The following PLA2G4A variants were observed in gnomAD, a reference collection of about 807,000 sequenced individuals.
PLA2G4A encodes the protein cytosolic phospholipase A2.
A neutral mutation model predicts 81.9 loss-of-function variants in PLA2G4A; 40 were observed. The ratio of observed to expected loss-of-function variants is 0.49; its 90% CI spans 0.38 to 0.64. The LOEUF (loss-of-function observed/expected upper bound fraction) is 0.64. Among genes scored for constraint, PLA2G4A ranks in the 30% least tolerant of loss-of-function variants. The pLI is 0.00. For missense variants in PLA2G4A, 715 were observed against 905.1 expected (o/e 0.79, Z 2.69); for synonymous variants, 302 against 296.9 (o/e 1.02, Z -0.18).
intron 2 of PLA2G4A, among the ~76,000 whole-genome samples, chr1:186,857,353 A>G (rs1439572489): frequency 4.0e-5 from 5 of 123,918 alleles, no homozygotes; most frequent in Non-Finnish European, 8.0e-5. Flanking sequence ...TATATTATAA[A>G]TATAATATTA....
chr1:186,858,051 GT>G (rs1652654909), intron 2 of PLA2G4A, among the ~76,000 whole-genome samples: 1 of 152,094 alleles, frequency 6.6e-6, no homozygotes, highest in African/African-American at 2.4e-5. Flanking sequence ...ATTGTGAATA[GT>G]GCCACAATAA....
chr1:186,976,756 A>T (rs1401113177), intron 15 of PLA2G4A, among the ~76,000 whole-genome samples: 1 of 152,180 alleles, frequency 6.6e-6, no homozygotes, highest in African/African-American at 2.4e-5. Context: ...TCCAGTTTAA[A>T]TTTAATTTTG....
At chr1:186,879,120 T>C (rs1188125176) in intron 3 of PLA2G4A, among the ~76,000 whole-genome samples, 1 of 151,914 alleles carries the variant, frequency 6.6e-6, no homozygotes, top group Non-Finnish European at 1.5e-5. Flanking sequence ...TCTCTGTAAA[T>C]TTTACTGGCT....
chr1:186,869,705 C>A (rs1033268210), intron 2 of PLA2G4A, among the ~76,000 whole-genome samples: 1 of 152,142 alleles, frequency 6.6e-6, no homozygotes, highest in East Asian at 1.9e-4. Context: ...AAGATTAAAA[C>A]AAGAAATGTT....
intron 1 of PLA2G4A, among the ~76,000 whole-genome samples, chr1:186,847,883 T>C (rs561519929): frequency 6.6e-6 from 1 of 152,244 alleles, no homozygotes; most frequent in African/African-American, 2.4e-5. Context: ...TGTCTTGTCA[T>C]ACTTGGGAAA....
chr1:186,832,077 T>C (rs1194579658), intron 1 of PLA2G4A, among the ~76,000 whole-genome samples: 1 of 152,154 alleles, frequency 6.6e-6, no homozygotes, highest in Non-Finnish European at 1.5e-5. Context: ...GTTCTTACTA[T>C]ATGAAATTTT....
intron 13 of PLA2G4A, among the ~76,000 whole-genome samples, chr1:186,954,566 T>C (rs899680964): frequency 6.6e-6 from 1 of 152,128 alleles, no homozygotes; most frequent in Non-Finnish European, 1.5e-5. Context: ...TGTGCACATG[T>C]ACCCTATAAT....
intron 2 of PLA2G4A, among the ~76,000 whole-genome samples, chr1:186,857,429 C>A (rs924536948): frequency 1.2e-4 from 14 of 116,072 alleles, no homozygotes; most frequent in African/African-American, 2.3e-4. Context: ...ATAATATATA[C>A]TATATAAATA....
At chr1:186,986,428 C>T (rs893217340) in intron 17 of PLA2G4A, among the ~76,000 whole-genome samples, 1 of 152,008 alleles carries the variant, frequency 6.6e-6, no homozygotes, top group Non-Finnish European at 1.5e-5. Flanking sequence ...AAGGAGAAAC[C>T]AATTGATAAA....
intron 13 of PLA2G4A, among the ~76,000 whole-genome samples, chr1:186,955,073 A>G (rs1340622353): frequency 6.6e-6 from 1 of 152,172 alleles, no homozygotes; most frequent in Admixed American, 6.5e-5. Flanking sequence ...AAGGATTCTG[A>G]TTCTGGAGGC....
At chr1:186,875,006 A>G (rs1653414539) in intron 3 of PLA2G4A, among the ~76,000 whole-genome samples, 1 of 152,124 alleles carries the variant, frequency 6.6e-6, no homozygotes, top group South Asian at 2.1e-4. Context: ...TTCTTAAATT[A>G]TAATGTCCAT....
At chr1:186,893,568 A>G (rs1654223448) in intron 4 of PLA2G4A, among the ~76,000 whole-genome samples, 1 of 152,178 alleles carries the variant, frequency 6.6e-6, no homozygotes, top group South Asian at 2.1e-4. Flanking sequence ...TTTTGAAAAC[A>G]TGATAATTGA....
intron 1 of PLA2G4A, among the ~76,000 whole-genome samples, chr1:186,847,753 C>T (rs1157624404): frequency 1.3e-5 from 2 of 151,918 alleles, no homozygotes; most frequent in African/African-American, 2.4e-5. Flanking sequence ...CCCCTCTTCC[C>T]TTGGGGTGGA....
intron 3 of PLA2G4A, among the ~76,000 whole-genome samples, chr1:186,875,111 A>G (rs967732422): frequency 9.2e-5 from 14 of 152,068 alleles, no homozygotes; most frequent in African/African-American, 3.4e-4. Flanking sequence ...TGATGTAGAC[A>G]TTGCTGACCC....
intron 14 of PLA2G4A, among the ~76,000 whole-genome samples, chr1:186,964,662 A>G (rs535323611): frequency 6.6e-6 from 1 of 152,220 alleles, no homozygotes; most frequent in African/African-American, 2.4e-5. Flanking sequence ...ACTCCTTATT[A>G]TAGTGTCCTT....
At chr1:186,889,531 C>T (rs927349215) in intron 3 of PLA2G4A, among the ~76,000 whole-genome samples, 9 of 152,138 alleles carry the variant, frequency 5.9e-5, no homozygotes, top group Non-Finnish European at 1.3e-4. Flanking sequence ...TAGATCCTCC[C>T]GTTTTATAAT....
At chr1:186,867,417 A>G (rs530922161) in intron 2 of PLA2G4A, among the ~76,000 whole-genome samples, 45 of 152,238 alleles carry the variant, frequency 3.0e-4, no homozygotes, top group African/African-American at 1.1e-3. Flanking sequence ...GATCTTCTAC[A>G]TACATTGTTA....
chr1:186,977,234 T>C (rs1657564965), intron 15 of PLA2G4A, among the ~76,000 whole-genome samples: 1 of 152,202 alleles, frequency 6.6e-6, no homozygotes, highest in Admixed American at 6.5e-5. Context: ...CATCATCAGA[T>C]TCCTTTTTTA....
Position 186,887,501 on chromosome 1 carries a change from A to G in PLA2G4A, c.116-5510A>G, listed in dbSNP as rs961916277. On this transcript the variant is annotated intron_variant, in intron 3 of 17. Transcript: ENST00000367466. Reference sequence around the variant, plus strand: ...TGTCAACTTTATGGGAAGAAAAAAGATCTGTATTCCACACCCCCGACATTT... The same window carrying G: ...TGTCAACTTTATGGGAAGAAAAAAGGTCTGTATTCCACACCCCCGACATTT... 2.0e-5 allele frequency among the ~76,000 whole-genome samples: 3 copies of G among 152,238 alleles called. No homozygotes were observed. The South Asian group carries it at 6.2e-4, about 32-fold the overall frequency.
Sources: gnomAD v4.1 joint callset for allele counts (sites outside exome capture counted in the v4.1 genomes callset) on GRCh38, gnomAD v4.1.1 for gene constraint, MANE v1.5 for transcripts, NCBI Gene and HGNC (gene_info 2026-07-23, HGNC 2026-07-21) for gene names.